Variants in MAP3K20 observed in about 807,000 individuals in gnomAD.
MAP3K20 encodes mitogen-activated protein kinase kinase kinase 20, also known as HCCS-4.
In MAP3K20, 40 loss-of-function variants were observed where a neutral mutation model predicts 85.7. The ratio of observed to expected loss-of-function variants is 0.47; its 90% confidence interval spans 0.36 to 0.61. The LOEUF (loss-of-function observed/expected upper bound fraction) is 0.61, where lower values mean the gene tolerates loss of function less well. Among genes scored for constraint, MAP3K20 ranks in the 20% least tolerant of loss-of-function variants. The pLI is 0.00. For missense variants in MAP3K20, 817 were observed against 961.7 expected, an observed-to-expected ratio of 0.85 and a Z score of 1.99; for synonymous variants, 325 against 327.7, an observed-to-expected ratio of 0.99 and a Z score of 0.09.
chr2:173,221,198 T>C, intron 11 of MAP3K20: 1 of 1,582,318 alleles, frequency 6.3e-7, no homozygotes, highest in Non-Finnish European at 8.6e-7. Flanking sequence ...TTACTTTGAA[T>C]CTAAAACAGA....
intron 8 of MAP3K20, among the ~76,000 whole-genome samples, chr2:173,201,183 A>T (rs73974103): frequency 2.6e-5 from 4 of 152,022 alleles, no homozygotes; most frequent in Admixed American, 6.6e-5. Context: ...CTTAATAATA[A>T]AATAAGATGT....
chr2:173,081,746 T>G (rs1277277571), intron 1 of MAP3K20, among the ~76,000 whole-genome samples: 1 of 152,222 alleles, frequency 6.6e-6, no homozygotes, highest in Non-Finnish European at 1.5e-5. Flanking sequence ...ACTGATGTGG[T>G]TCACTGTGCT....
Position 173,208,350 on chromosome 2 carries a change from A to G in MAP3K20, c.745-1379A>G, listed in dbSNP as rs563383816. ...GTGGTCGAGGCTGCAGTGAGCTATG[A>G]TCACACCACTGCATTCCAGCCTGGG... On this transcript the variant is annotated intron_variant, in intron 9 of 19. Transcript: ENST00000375213. Among the ~76,000 whole-genome samples, 29 of 151,916 alleles carry G rather than the reference A, an allele frequency of 1.9e-4. No homozygotes were observed. The East Asian group carries it at 5.6e-3, about 29-fold the overall frequency.
intron 1 of MAP3K20, among the ~76,000 whole-genome samples, chr2:173,079,527 A>G (rs1233914845): frequency 6.6e-6 from 1 of 152,212 alleles, no homozygotes. Context: ...TATAAACTTT[A>G]AACTTTTTTT....
chr2:173,129,414 G>A (rs1356400119), intron 2 of MAP3K20, among the ~76,000 whole-genome samples: 1 of 151,960 alleles, frequency 6.6e-6, no homozygotes, highest in Non-Finnish European at 1.5e-5. Flanking sequence ...AAAATATTAT[G>A]CACCACTAAG....
At chr2:173,240,893 A>G (rs971808116) in intron 16 of MAP3K20, among the ~76,000 whole-genome samples, 1 of 152,260 alleles carries the variant, frequency 6.6e-6, no homozygotes. Context: ...ATGAATAGAT[A>G]AAGAAAACAT....
At chr2:173,101,215 G>T (rs547467298) in intron 2 of MAP3K20, among the ~76,000 whole-genome samples, 9 of 152,210 alleles carry the variant, frequency 5.9e-5, no homozygotes, top group African/African-American at 1.9e-4. Flanking sequence ...AAACACCACT[G>T]ATTTTTTTTA....
chr2:173,111,254 C>T (rs1687966747), intron 2 of MAP3K20, among the ~76,000 whole-genome samples: 1 of 152,072 alleles, frequency 6.6e-6, no homozygotes, highest in African/African-American at 2.4e-5. Context: ...CTATTCATGT[C>T]CTTAGCCCAC....
chr2:173,132,768 G>A (rs1361319735), intron 2 of MAP3K20, among the ~76,000 whole-genome samples: 1 of 152,148 alleles, frequency 6.6e-6, no homozygotes, highest in African/African-American at 2.4e-5. Flanking sequence ...TTGTGACCCA[G>A]GGCCCATTAC....
chr2:173,223,101 A>G (rs1684295409), intron 11 of MAP3K20: 3 of 985,308 alleles, frequency 3.0e-6, no homozygotes, highest in South Asian at 9.4e-5. Flanking sequence ...CGTGTTTCTA[A>G]TGCCCCTTGA....
At chr2:173,150,842 G>A (rs1278394575) in intron 2 of MAP3K20, among the ~76,000 whole-genome samples, 6 of 152,148 alleles carry the variant, frequency 3.9e-5, no homozygotes, top group African/African-American at 1.4e-4. Context: ...GATTACAGGC[G>A]TGAGCCACCA....
At position 173,232,196 on chromosome 2, in the gene MAP3K20, G is replaced by A; in HGVS notation, c.1037G>A (p.Cys346Tyr). The stretch of plus-strand genomic sequence containing the variant: ...TATGTGTCCTCTCTTTCACAGTATT[G>A]TTGGGTTCAGCAGCTCGTCAGAAAA... ...IGAWTEDDVY[C>Y]WVQQLVRKGD... Residue 346 changes from cysteine (C) to tyrosine (Y), a missense_variant, in exon 13 of 20, where the codon TGT (cysteine) becomes TAT (tyrosine). Cys to Tyr is a radical substitution (Grantham distance 194, BLOSUM62 -2). Transcript: ENST00000375213. 1 of 1,614,204 alleles carries A rather than the reference G, an allele frequency of 6.2e-7. No homozygotes were observed. Among genetic ancestry groups the A allele is most frequent in the Non-Finnish European group, 8.5e-7 (1 of 1,180,028 alleles).
At chr2:173,213,631 G>A (rs1683979615) in intron 10 of MAP3K20, among the ~76,000 whole-genome samples, 2 of 152,114 alleles carry the variant, frequency 1.3e-5, no homozygotes, top group African/African-American at 4.8e-5. Flanking sequence ...ACAGAACTGA[G>A]AACAGAACCC....
At chr2:173,107,484 A>G (rs1463584619) in intron 2 of MAP3K20, among the ~76,000 whole-genome samples, 4 of 152,210 alleles carry the variant, frequency 2.6e-5, no homozygotes, top group Admixed American at 2.0e-4. Context: ...TGACCTGCAC[A>G]GGGATAAGGG....
At chr2:173,258,500 T>C (rs1685209633) in intron 16 of MAP3K20, among the ~76,000 whole-genome samples, 199 bp from the exon 17 acceptor site, 1 of 152,002 alleles carries the variant, frequency 6.6e-6, no homozygotes, top group Admixed American at 6.6e-5. Flanking sequence ...TGATACATTA[T>C]GTCTCAAGGC....
At chr2:173,263,595 C>G in intron 18 of MAP3K20, 150 bp from the exon 19 acceptor site, 1 of 730,872 alleles carries the variant, frequency 1.4e-6, no homozygotes, top group African/African-American at 1.8e-5. Flanking sequence ...GAATATTTTC[C>G]TAGTGCATTA....
At chr2:173,146,595 C>T (rs1026910838) in intron 2 of MAP3K20, among the ~76,000 whole-genome samples, 2 of 152,304 alleles carry the variant, frequency 1.3e-5, no homozygotes, top group South Asian at 4.1e-4. Context: ...GACACCCACT[C>T]GTCTACTTTC....
Position 173,239,460 on chromosome 2 carries a change from T to A in MAP3K20, c.1323T>A (p.Val441=). The change falls in exon 16 of 20, where the codon GTT becomes GTA. Residue 441 remains valine (V), a synonymous_variant. Transcript: ENST00000375213. The part of the protein sequence containing the change: ...NEEKIVNLEL[V]FGFHLKPGTG... The stretch of plus-strand genomic sequence containing the variant: ...AAAAAATAGTGAACCTGGAACTGGT[T>A]TTTGGTTTTCACTTGAAACCAGGAA... The A allele has an allele frequency of 6.2e-7, 1 of 1,613,664 alleles. No individual in the cohort carries two copies. The highest frequency in any genetic ancestry group is 1.3e-5 in the African/African-American group (1 of 75,030).
chr2:173,148,327 CCTT>C (rs1446440943), intron 2 of MAP3K20, among the ~76,000 whole-genome samples: 1 of 152,168 alleles, frequency 6.6e-6, no homozygotes, highest in Non-Finnish European at 1.5e-5. Flanking sequence ...GGTTAGAAAA[CCTT>C]CTTGTTACCA....
Sources: gnomAD v4.1 joint callset for allele counts (sites outside exome capture counted in the v4.1 genomes callset) on GRCh38, gnomAD v4.1.1 for gene constraint, MANE v1.5 for transcripts, NCBI Gene and HGNC (gene_info 2026-07-23, HGNC 2026-07-21) for gene names.